NUDT21: variants seen among roughly 807,000 people sequenced by gnomAD.
NUDT21 encodes nudix hydrolase 21.
NUDT21 carries 5 observed loss-of-function variants against 29.8 expected under a neutral mutation model. That is an observed-to-expected ratio of 0.17 (90% CI 0.09 to 0.35). The LOEUF (loss-of-function observed/expected upper bound fraction) is 0.35. Among genes scored for constraint, NUDT21 ranks in the 10% least tolerant of loss-of-function variants. The probability of loss-of-function intolerance (pLI) is 1.00; values close to 1 mark genes in which losing one functional copy is unlikely to be tolerated. For missense variants in NUDT21, 76 were observed against 276.0 expected (o/e 0.28, Z 5.13); for synonymous variants, 113 against 98.5 (o/e 1.15, Z -0.87).
Position 56,451,070 on chromosome 16 carries a change from G to C in NUDT21, c.116+17C>G. ...CTTTCACGAGAGAAATGCCCGCCAA[G>C]GCCGCGCCGCACTTACAGGTTGATG... is the stretch of plus-strand genomic sequence containing the variant. On this transcript the variant is annotated intron_variant, in intron 1 of 6. Transcript: ENST00000300291. The C allele has an allele frequency of 6.2e-7, 1 of 1,605,560 alleles. No homozygotes were observed. Among genetic ancestry groups the C allele is most frequent in the East Asian group, 2.2e-5 (1 of 44,808 alleles).
chr16:56,443,086 G>A (rs2143941164), intron 3 of NUDT21, among the ~76,000 whole-genome samples: 1 of 152,134 alleles, frequency 6.6e-6, no homozygotes, highest in African/African-American at 2.4e-5. Flanking sequence ...CCAAAAGCCT[G>A]GTGATAGTTG....
chr16:56,450,335 ATGGTT>A (rs1388314175), intron 1 of NUDT21, among the ~76,000 whole-genome samples: 1 of 152,232 alleles, frequency 6.6e-6, no homozygotes, highest in Non-Finnish European at 1.5e-5. Context: ...TTGAAATGCA[ATGGTT>A]TGAAGTGTTG....
chr16:56,440,392 T>C (rs948173968), intron 3 of NUDT21, among the ~76,000 whole-genome samples: 1 of 152,232 alleles, frequency 6.6e-6, no homozygotes, highest in Non-Finnish European at 1.5e-5. Context: ...CAGATATCCA[T>C]AGTCTTTAAC....
chr16:56,434,918 G>T, intron 4 of NUDT21, 89 bp from the exon 5 acceptor site: 1 of 773,230 alleles, frequency 1.3e-6, no homozygotes, highest in Non-Finnish European at 2.2e-6. Flanking sequence ...TAAACTGTTG[G>T]GAGAAGCATA....
At chr16:56,434,028 C>T (rs960043978) in intron 6 of NUDT21, among the ~76,000 whole-genome samples, 1 of 152,214 alleles carries the variant, frequency 6.6e-6, no homozygotes. Context: ...CTCATATTTA[C>T]ACACTGTTGA....
intron 4 of NUDT21, among the ~76,000 whole-genome samples, chr16:56,435,531 C>T (rs1349556936): frequency 6.7e-6 from 1 of 150,362 alleles, no homozygotes; most frequent in Non-Finnish European, 1.5e-5. Context: ...TCAAGACCAT[C>T]CTGGCTAGCA....
intron 3 of NUDT21, among the ~76,000 whole-genome samples, chr16:56,446,194 G>A (rs1227745816): frequency 2.6e-5 from 4 of 152,146 alleles, no homozygotes; most frequent in Non-Finnish European, 4.4e-5. Context: ...TGAAAACACA[G>A]GCATCTTTCT....
chr16:56,444,736 T>C (rs1334121045), intron 3 of NUDT21, among the ~76,000 whole-genome samples: 3 of 152,168 alleles, frequency 2.0e-5, no homozygotes, highest in Admixed American at 6.5e-5. Flanking sequence ...ACTTTTTTCA[T>C]TGCTAGTTGT....
intron 2 of NUDT21, 22 bp downstream of exon 2, chr16:56,447,767 G>A (rs1218627578): frequency 8.1e-6 from 13 of 1,610,608 alleles, no homozygotes; most frequent in Non-Finnish European, 1.0e-5. Context: ...CTGTCTTGCT[G>A]TTAATTTCCA....
rs1962032122 is a variant in NUDT21, at chr16:56,431,412, T to C, written c.*1300A>G. 1 of 152,174 alleles carries C rather than the reference T, an allele frequency of 6.6e-6. No homozygotes were observed. Among genetic ancestry groups the C allele is most frequent in the Non-Finnish European group, 1.5e-5 (1 of 68,030 alleles). 9.4% of individuals were successfully genotyped at this position (152,174 alleles called of 1,614,324 possible). On this transcript the variant is annotated 3_prime_UTR_variant, in exon 7 of 7. Coordinates refer to ENST00000300291, the MANE Select transcript of NUDT21 (RefSeq NM_007006.3). ...TTGACATGACCCCAACTAAAAAAAC[T>C]TGAGTGTTTATTAATTGCTCAGCTA...
intron 4 of NUDT21, among the ~76,000 whole-genome samples, chr16:56,435,743 TTATATATATATATATATA>T (rs777245596): frequency 0.056 from 1,509 of 27,062 alleles, 135 homozygotes; most frequent in Middle Eastern, 0.19. Flanking sequence ...AAAAAAAAAA[TTATATATATATATATATA>T]TATATATATA....
At chr16:56,450,510 G>A (rs1962281139) in intron 1 of NUDT21, among the ~76,000 whole-genome samples, 1 of 152,198 alleles carries the variant, frequency 6.6e-6, no homozygotes, top group Non-Finnish European at 1.5e-5. Flanking sequence ...GACATCAGAC[G>A]ACGCGAAGGC....
rs1462703488 is a variant in NUDT21 at position 56,430,210 on chromosome 16, T to C, written c.*2502A>G. 1 of 152,232 alleles carries C rather than the reference T, an allele frequency of 6.6e-6. No homozygotes were observed. 9.4% of individuals were successfully genotyped at this position (152,232 alleles called of 1,614,324 possible). ...CGCCATTTTAAGTATTATCTACTTT[T>C]TTAAAAAATCACAGTGGTCTTCATC... On this transcript the variant is annotated 3_prime_UTR_variant, in exon 7 of 7. Coordinates refer to ENST00000300291, the MANE Select transcript of NUDT21 (RefSeq NM_007006.3).
chr16:56,447,553 T>C, intron 2 of NUDT21: 1 of 497,144 alleles, frequency 2.0e-6, no homozygotes, highest in Non-Finnish European at 3.6e-6. Context: ...CCATGGGGTT[T>C]CTACCAAGCT....
Position 56,432,681 on chromosome 16 carries a change from G to A in NUDT21, c.*31C>T, listed in dbSNP as rs199716345. 1.7e-5 allele frequency: 27 copies of A among 1,603,924 alleles called. No individual in the cohort carries two copies. Among genetic ancestry groups the A allele is most frequent in the South Asian group, 3.3e-5 (3 of 89,756 alleles). ...TATAGCTGTGCTCACAGAGACAAGCGGCTTCTTTTACTTCTCCACTGCGCA... is the reference window on the plus strand; with the variant it reads ...TATAGCTGTGCTCACAGAGACAAGCAGCTTCTTTTACTTCTCCACTGCGCA... On this transcript the variant is annotated 3_prime_UTR_variant, in exon 7 of 7. Transcript: ENST00000300291.
In NUDT21 at chr16:56,441,525, G is replaced by T. The variant is rs548234089; in HGVS notation, c.382-1779C>A. Among the ~76,000 whole-genome samples the T allele has an allele frequency of 2.0e-5, 3 of 152,126 alleles. No homozygotes were observed. In the East Asian group the frequency reaches 5.8e-4, roughly 29 times the overall value. Reference sequence around the variant, plus strand: ...TGGGATTACTGGCGTGAGCCACTGCGCCTGGCCTCTTGATTTTCATTTTAA... The same window carrying T: ...TGGGATTACTGGCGTGAGCCACTGCTCCTGGCCTCTTGATTTTCATTTTAA... On this transcript the variant is annotated intron_variant, in intron 3 of 6. Coordinates refer to ENST00000300291, the MANE Select transcript of NUDT21 (RefSeq NM_007006.3).
At chr16:56,450,984 G>C (rs1395511654) in intron 1 of NUDT21, 103 bp downstream of exon 1, 5 of 874,218 alleles carry the variant, frequency 5.7e-6, no homozygotes, top group Non-Finnish European at 9.0e-6. Context: ...TTGGAGGCGG[G>C]GAGGTGCAGA....
rs1308999849 is a variant in NUDT21 at position 56,447,772 on chromosome 16, T to C, written c.317+17A>G. 2.5e-6 allele frequency: 4 copies of C among 1,612,876 alleles called. No homozygotes were observed. Among genetic ancestry groups the C allele is most frequent in the Non-Finnish European group, 1.7e-6 (2 of 1,178,876 alleles). ...CTACTAAAAACTGTCTTGCTGTTAA[T>C]TTCCAACACTACTTACAGTTTGAAG... On this transcript the variant is annotated intron_variant, in intron 2 of 6. Coordinates refer to ENST00000300291, the MANE Select transcript of NUDT21 (RefSeq NM_007006.3).
chr16:56,445,780 CATTT>C (rs1962211700), intron 3 of NUDT21, among the ~76,000 whole-genome samples: 1 of 152,206 alleles, frequency 6.6e-6, no homozygotes. Flanking sequence ...GTGATTCTCT[CATTT>C]TGCACTCCCT....
Sources: allele counts gnomAD v4.1 joint callset (sites outside exome capture counted in the v4.1 genomes callset), GRCh38; gene constraint gnomAD v4.1.1; transcripts MANE v1.5; gene names NCBI Gene and HGNC (gene_info 2026-07-23, HGNC 2026-07-21).